Variants in DST observed in about 807,000 individuals in gnomAD.
DST encodes the protein bullous pemphigoid antigen.
In DST, 253 loss-of-function variants were observed where a neutral mutation model predicts 875.2. That is an observed-to-expected ratio of 0.29 (90% CI 0.26 to 0.32). DST has a LOEUF of 0.32. Among genes scored for constraint, DST ranks in the 10% least tolerant of loss-of-function variants. The pLI is 1.00. For missense variants in DST, 8,287 were observed against 9,111.6 expected (o/e 0.91, Z 3.68); for synonymous variants, 3,124 against 3,197.1 (o/e 0.98, Z 0.77).
chr6:56,828,214 A>T (rs1463886380), intron 4 of DST, among the ~76,000 whole-genome samples: 4 of 152,234 alleles, frequency 2.6e-5, no homozygotes, highest in Non-Finnish European at 4.4e-5. Context: ...GTTAACTAGG[A>T]AACAGCCAGA....
chr6:56,781,222 T>C (rs1260098317), intron 4 of DST, among the ~76,000 whole-genome samples: 2 of 152,252 alleles, frequency 1.3e-5, no homozygotes, highest in Admixed American at 6.5e-5. Flanking sequence ...TTTGATTCCA[T>C]ATGAACTTTA....
At chr6:56,555,022 G>A (rs58933364) in intron 60 of DST, among the ~76,000 whole-genome samples, 1 of 152,124 alleles carries the variant, frequency 6.6e-6, no homozygotes, top group Non-Finnish European at 1.5e-5. Flanking sequence ...AACTATTCAT[G>A]TTTTTTTCTG....
chr6:56,641,711 A>G (rs1055497816), intron 17 of DST, among the ~76,000 whole-genome samples: 1 of 152,158 alleles, frequency 6.6e-6, no homozygotes, highest in African/African-American at 2.4e-5. Flanking sequence ...CATTTTAACG[A>G]GTTAGTTACT....
chr6:56,910,507 T>C (rs1798382611), intron 2 of DST, among the ~76,000 whole-genome samples: 1 of 150,258 alleles, frequency 6.7e-6, no homozygotes, highest in African/African-American at 2.5e-5. Flanking sequence ...CATTTTGAGA[T>C]GGAGTCTCAC....
intron 10 of DST, among the ~76,000 whole-genome samples, chr6:56,664,326 G>T (rs567011725): frequency 6.6e-6 from 1 of 152,222 alleles, no homozygotes; most frequent in Non-Finnish European, 1.5e-5. Context: ...AGCCAGACAA[G>T]TCAGAGGCTA....
chr6:56,606,602 C>T lies in DST; in HGVS notation c.8026G>A (p.Val2676Ile), dbSNP rs2098500442. The change falls in exon 40 of 104, where the codon GTT becomes ATT. Residue 2676 changes from valine to isoleucine, a missense_variant. Transcript: ENST00000680361. ...ENSMVPQGAP[V>I]GSLSVKNKAH... ...TTGTTCTTCACACTTAAGCTACCAA[C>T]TGGTGCCCCCTGGGGAACCATGGAA... 1.2e-6 allele frequency: 2 copies of T among 1,613,470 alleles called. No homozygotes were observed. Among genetic ancestry groups the T allele is most frequent in the African/African-American group, 1.3e-5 (1 of 74,888 alleles).
chr6:56,468,327 A>G (rs2152390767), intron 98 of DST, among the ~76,000 whole-genome samples: 1 of 152,326 alleles, frequency 6.6e-6, no homozygotes, highest in South Asian at 2.1e-4. Context: ...TAATATAAAT[A>G]TTCGATCAAG....
rs1204451139 is a variant in DST, at chr6:56,631,979, C to A, written c.3867G>T (p.Arg1289=). Residue 1289 remains arginine, a synonymous_variant, in exon 29 of 104, where the codon CGG becomes CGT. Coordinates refer to ENST00000680361, the MANE Select transcript of DST (RefSeq NM_001374736.1). The stretch of plus-strand genomic sequence containing the variant: ...TCAGCCGATCTTCACAGTTCTCTAA[C>A]CGAAGTCTAATGTTTCGAACTTCAG... ...YISEVRNIRL[R]LENCEDRLIR... The A allele has an allele frequency of 1.2e-6, 2 of 1,613,602 alleles. No individual in the cohort carries two copies. Among genetic ancestry groups the A allele is most frequent in the Non-Finnish European group, 1.7e-6 (2 of 1,179,554 alleles).
intron 4 of DST, among the ~76,000 whole-genome samples, chr6:56,758,702 G>C (rs772099380): frequency 3.4e-4 from 51 of 152,196 alleles, no homozygotes; most frequent in Non-Finnish European, 3.1e-4. Flanking sequence ...GAAGCAGTCA[G>C]CGAGAACAGC....
chr6:56,642,674 T>C lies in DST; in HGVS notation c.1779-171A>G, dbSNP rs372226813. ...AAGCTAATGCAAGAGTTGATCAGTG[T>C]TGGACCACAATGAACCAAGAGAAGA... On this transcript the variant is annotated intron_variant, in intron 15 of 103. Coordinates refer to ENST00000680361, the MANE Select transcript of DST (RefSeq NM_001374736.1). 90 of 1,614,044 alleles carry C rather than the reference T, an allele frequency of 5.6e-5. No homozygotes were observed. The highest frequency in any genetic ancestry group is 7.5e-5 in the Non-Finnish European group (88 of 1,180,016).
rs1472206822 is a variant in DST at position 56,463,561 on chromosome 6, T to C, written c.22959+4A>G. The C allele has an allele frequency of 5.7e-6, 9 of 1,571,164 alleles. No individual in the cohort carries two copies. The highest frequency in any genetic ancestry group is 1.7e-4 in the Middle Eastern group (1 of 5,834). ...GGAGGAAAAGTCTTCATCCTGAGTC[T>C]TACCTTGGGTGTGGTGGTGGCAGGG... On this transcript the variant is annotated splice_donor_region_variant and intron_variant, in intron 101 of 103. Transcript: ENST00000680361.
intron 4 of DST, among the ~76,000 whole-genome samples, chr6:56,760,958 A>T (rs532230760): frequency 6.6e-6 from 1 of 152,382 alleles, no homozygotes; most frequent in East Asian, 1.9e-4. Context: ...AGCTAATTCC[A>T]ATCACTGTGC....
intron 4 of DST, among the ~76,000 whole-genome samples, chr6:56,828,374 T>G (rs896597273): frequency 6.6e-6 from 1 of 152,250 alleles, no homozygotes; most frequent in East Asian, 1.9e-4. Flanking sequence ...CTGCATGCAA[T>G]GTACTATCAC....
intron 3 of DST, among the ~76,000 whole-genome samples, chr6:56,858,556 G>T (rs1205218852): frequency 1.3e-5 from 2 of 152,154 alleles, no homozygotes; most frequent in Non-Finnish European, 2.9e-5. Context: ...GTATTCCATT[G>T]TGTATATATG....
chr6:56,640,820 T>C (rs1333757125), intron 17 of DST, among the ~76,000 whole-genome samples: 1 of 152,122 alleles, frequency 6.6e-6, no homozygotes, highest in Non-Finnish European at 1.5e-5. Flanking sequence ...CACTCAATTT[T>C]TCAGTATGCC....
At chr6:56,503,594 T>TACACACACACACACAC (rs10637850) in intron 78 of DST, among the ~76,000 whole-genome samples, 60 of 140,908 alleles carry the variant, frequency 4.3e-4, no homozygotes, top group East Asian at 1.7e-3. Flanking sequence ...TACCTATACA[T>TACACACACACACACAC]ACACACACAC....
chr6:56,801,876 A>G (rs1241912753), intron 4 of DST, among the ~76,000 whole-genome samples: 1 of 151,372 alleles, frequency 6.6e-6, no homozygotes, highest in Non-Finnish European at 1.5e-5. Flanking sequence ...CAGCCTCCCG[A>G]GGAGCTGGGA....
intron 98 of DST, among the ~76,000 whole-genome samples, chr6:56,468,754 C>T (rs2094719894): frequency 6.6e-6 from 1 of 152,104 alleles, no homozygotes. Flanking sequence ...AGCTACAATT[C>T]ATTATCTGGT....
At chr6:56,523,985 CAGAT>C (rs1206371424) in intron 69 of DST, among the ~76,000 whole-genome samples, 4 of 152,054 alleles carry the variant, frequency 2.6e-5, no homozygotes, top group East Asian at 3.9e-4. Flanking sequence ...CAATGCAAAA[CAGAT>C]AGTCCAAAAT....
Sources: gnomAD v4.1 joint callset for allele counts (sites outside exome capture counted in the v4.1 genomes callset) on GRCh38, gnomAD v4.1.1 for gene constraint, MANE v1.5 for transcripts, NCBI Gene and HGNC (gene_info 2026-07-23, HGNC 2026-07-21) for gene names.